The following NUP62CL variants were observed in gnomAD, a reference collection of about 807,000 sequenced individuals.
The protein encoded by NUP62CL is nucleoporin-62 C-terminal-like protein.
A neutral mutation model predicts 15.3 loss-of-function variants in NUP62CL; 13 were observed. The ratio of observed to expected loss-of-function variants is 0.85; its 90% CI spans 0.55 to 1.35. The LOEUF is 1.35. Among genes scored for constraint, NUP62CL ranks in the 40% most tolerant of loss-of-function variants. The pLI is 0.00. For missense variants in NUP62CL, 123 were observed against 130.6 expected (o/e 0.94, Z 0.28); for synonymous variants, 54 against 49.2 (o/e 1.10, Z -0.41).
At chrX:107,140,316 T>C (rs1392833285) in intron 8 of NUP62CL, among the ~76,000 whole-genome samples, 1 of 111,656 alleles carries the variant, frequency 9.0e-6, no homozygotes, top group Non-Finnish European at 1.9e-5. Flanking sequence ...CTGAATATTA[T>C]GTTCTTCTTC....
chrX:107,201,474 T>A (rs1452279104), intron 1 of NUP62CL, among the ~76,000 whole-genome samples: 1 of 111,405 alleles, frequency 9.0e-6, no homozygotes, highest in Non-Finnish European at 1.9e-5. Context: ...TTTATATGAA[T>A]CTTATCTCTA....
chrX:107,172,127 C>T lies in NUP62CL; in HGVS notation c.58+2962G>A, dbSNP rs186697973. 3.6e-3 allele frequency among the ~76,000 whole-genome samples: 369 copies of T among 103,591 alleles called. 1 individual carries two copies. Among genetic ancestry groups the T allele is most frequent in the Admixed American group, 7.4e-3 (70 of 9,430 alleles). 90.0% of individuals were successfully genotyped at this position (103,591 alleles called of 115,157 possible). On this transcript the variant is annotated intron_variant, in intron 3 of 8. Coordinates refer to ENST00000372466, the MANE Select transcript of NUP62CL (RefSeq NM_017681.3). Reference sequence around the variant, plus strand: ...TAGCTTGAGCCCAGGAGTTTGAGACCAGCCTGGACAATGTAGTGAGACCTC... The same window carrying T: ...TAGCTTGAGCCCAGGAGTTTGAGACTAGCCTGGACAATGTAGTGAGACCTC...
intron 8 of NUP62CL, among the ~76,000 whole-genome samples, chrX:107,128,817 T>C (rs888831687): frequency 8.9e-6 from 1 of 112,030 alleles, no homozygotes; most frequent in Non-Finnish European, 1.9e-5. Context: ...AAGATGAGGC[T>C]AGAGAACCAG....
At chrX:107,159,582 C>A (rs1294226148) in intron 4 of NUP62CL, among the ~76,000 whole-genome samples, 3 of 64,513 alleles carry the variant, frequency 4.7e-5, no homozygotes, top group Non-Finnish European at 8.3e-5. Flanking sequence ...ATTCAACAAC[C>A]CTTCATGCTA....
At position 107,123,575 on chromosome X, in the gene NUP62CL, AAAAC is replaced by A. The variant is rs984866195; in HGVS notation, c.*796_*799del. On this transcript the variant is annotated 3_prime_UTR_variant, in exon 9 of 9. Coordinates refer to ENST00000372466, the MANE Select transcript of NUP62CL (RefSeq NM_017681.3). ...GAACAAGGCTTATTTAAAACAAAAC[AAAAC>A]AAACAAACAAAAAAAAAGAAAAACA... is the stretch of plus-strand genomic sequence containing the variant. 9.0e-5 allele frequency: 10 copies of A among 111,551 alleles called. No individual in the cohort carries two copies. The highest frequency in any genetic ancestry group is 3.7e-4 in the South Asian group (1 of 2,670). The allele number at this position is 111,551 out of a possible 1,213,427, so 9.2% of individuals were successfully genotyped here.
intron 2 of NUP62CL, among the ~76,000 whole-genome samples, chrX:107,178,002 C>G (rs1051326690): frequency 8.9e-6 from 1 of 111,760 alleles, no homozygotes; most frequent in Non-Finnish European, 1.9e-5. Context: ...CATATCCAAG[C>G]AATAAAATTG....
At chrX:107,143,479 T>G (rs1925821199) in intron 8 of NUP62CL, among the ~76,000 whole-genome samples, 1 of 110,796 alleles carries the variant, frequency 9.0e-6, no homozygotes, top group South Asian at 3.8e-4. Flanking sequence ...CCTCCTGAAG[T>G]GCTGGGATTG....
chrX:107,195,861 T>G (rs1927350954), intron 1 of NUP62CL, among the ~76,000 whole-genome samples: 1 of 111,280 alleles, frequency 9.0e-6, no homozygotes, highest in Admixed American at 9.6e-5. Context: ...ATAATATTAT[T>G]ATAGGTTTTA....
intron 4 of NUP62CL, among the ~76,000 whole-genome samples, chrX:107,157,121 G>T (rs1926219291): frequency 9.1e-6 from 1 of 110,358 alleles, no homozygotes; most frequent in South Asian, 3.9e-4. Context: ...AGAAATGTGG[G>T]ACGATGTGAA....
In NUP62CL at chrX:107,175,047, T is replaced by A. The variant is rs375051135; in HGVS notation, c.58+42A>T. On this transcript the variant is annotated intron_variant, in intron 3 of 8. Transcript: ENST00000372466. The stretch of plus-strand genomic sequence containing the variant: ...TACTGGCAAACTGAGTAAGGTGGCA[T>A]CATGGGAAATAACAGTATTTTCTTT... 3 of 994,712 alleles carry A rather than the reference T, an allele frequency of 3.0e-6. No homozygotes were observed. In the African/African-American group the frequency reaches 5.7e-5, roughly 19 times the overall value. 82.0% of individuals were successfully genotyped at this position (994,712 alleles called of 1,213,427 possible).
intron 2 of NUP62CL, among the ~76,000 whole-genome samples, chrX:107,181,903 C>T (rs1371142246): frequency 8.9e-6 from 1 of 112,043 alleles, no homozygotes; most frequent in Non-Finnish European, 1.9e-5. Flanking sequence ...TTCCCAACTG[C>T]TATTGCTTAA....
chrX:107,203,572 G>C (rs1364936212), intron 1 of NUP62CL, among the ~76,000 whole-genome samples: 1 of 111,013 alleles, frequency 9.0e-6, no homozygotes, highest in African/African-American at 3.3e-5. Context: ...AGGACACATA[G>C]TATCTTATTT....
intron 2 of NUP62CL, among the ~76,000 whole-genome samples, chrX:107,184,766 A>T (rs1194880192): frequency 2.7e-5 from 3 of 111,766 alleles, no homozygotes; most frequent in African/African-American, 9.7e-5. Context: ...AAGGATAAGC[A>T]CAAAGAAATT....
intron 4 of NUP62CL, among the ~76,000 whole-genome samples, chrX:107,154,650 G>C (rs890852269): frequency 9.0e-6 from 1 of 111,241 alleles, no homozygotes; most frequent in Non-Finnish European, 1.9e-5. Context: ...TGTTTGAGTA[G>C]TATCCACAAG....
In NUP62CL at chrX:107,154,105, A is replaced by G; in HGVS notation, c.336T>C (p.Asn112=). The G allele has an allele frequency of 1.7e-6, 2 of 1,199,093 alleles. No individual in the cohort carries two copies. The highest frequency in any genetic ancestry group is 2.2e-6 in the Non-Finnish European group (2 of 890,002). The change falls in exon 5 of 9, where the codon AAT becomes AAC. Residue 112 remains asparagine, a synonymous_variant. Transcript: ENST00000372466. ...VNAWDHTLIE[N]GEMIRILHGE... ...GAAAATATTTTCTTACCATCTCACCATTCTCAATCAATGTATGGTCCCAAG... is the reference window on the plus strand; with the variant it reads ...GAAAATATTTTCTTACCATCTCACCGTTCTCAATCAATGTATGGTCCCAAG...
At position 107,184,510 on chromosome X, in the gene NUP62CL, A is replaced by T. The variant is rs145111352; in HGVS notation, c.-48+8519T>A. The stretch of plus-strand genomic sequence containing the variant: ...ACAGAAATAAGAATCAGTGAACTGG[A>T]TGATAGAATCATAGAAATTATCCAA... On this transcript the variant is annotated intron_variant, in intron 2 of 8. Coordinates refer to ENST00000372466, the MANE Select transcript of NUP62CL (RefSeq NM_017681.3). 7.4e-3 allele frequency among the ~76,000 whole-genome samples: 820 copies of T among 111,375 alleles called. 10 individuals carry two copies. The highest frequency in any genetic ancestry group is 0.025 in the African/African-American group (762 of 30,636).
chrX:107,128,224 T>G (rs1220582771), intron 8 of NUP62CL, among the ~76,000 whole-genome samples: 1 of 112,487 alleles, frequency 8.9e-6, no homozygotes, highest in Admixed American at 9.4e-5. Flanking sequence ...AGCAAAAAGT[T>G]TGAAACATTA....
chrX:107,141,574 A>G (rs910257341), intron 8 of NUP62CL, among the ~76,000 whole-genome samples: 1 of 111,739 alleles, frequency 8.9e-6, no homozygotes, highest in African/African-American at 3.3e-5. Flanking sequence ...CAATCAACCA[A>G]TGCCACCAAG....
At position 107,140,002 on chromosome X, in the gene NUP62CL, A is replaced by G. The variant is rs192399434; in HGVS notation, c.*42+7741T>C. The stretch of plus-strand genomic sequence containing the variant: ...GTCTGATGGGAGAAAGAGTATTTAC[A>G]GAGATGTACAAAGCTCCATTTCTGC... On this transcript the variant is annotated intron_variant, in intron 8 of 8. Transcript: ENST00000372466. Among the ~76,000 whole-genome samples, 3 of 112,002 alleles carry G rather than the reference A, an allele frequency of 2.7e-5. No homozygotes were observed. The Admixed American group carries it at 2.8e-4, about 11-fold the overall frequency.
Sources: allele counts gnomAD v4.1 joint callset (sites outside exome capture counted in the v4.1 genomes callset), GRCh38; gene constraint gnomAD v4.1.1; transcripts MANE v1.5; gene names NCBI Gene and HGNC (gene_info 2026-07-23, HGNC 2026-07-21).